RPGRIP1L: variants seen among roughly 807,000 people sequenced by gnomAD.
The protein encoded by RPGRIP1L is protein fantom.
A neutral mutation model predicts 160.4 loss-of-function variants in RPGRIP1L; 131 were observed. The observed-to-expected ratio is 0.82, with a 90% CI of 0.71 to 0.94. RPGRIP1L has a LOEUF of 0.94. Ranked by LOEUF, RPGRIP1L falls within the 40% of genes least tolerant of loss-of-function variation. The probability of loss-of-function intolerance (pLI) is 0.00; values close to 1 mark genes in which losing one functional copy is unlikely to be tolerated. For synonymous variants in RPGRIP1L, 510 were observed against 515.8 expected (o/e 0.99, Z 0.15); for missense variants, 1,522 against 1,535.8 (o/e 0.99, Z 0.15).
chr16:53,664,352 C>A (rs1211015145), intron 10 of RPGRIP1L, among the ~76,000 whole-genome samples: 1 of 152,258 alleles, frequency 6.6e-6, no homozygotes. Flanking sequence ...TTTCCCTATT[C>A]GAACTCTCAA....
At chr16:53,693,121 G>A (rs565722181) in intron 3 of RPGRIP1L, among the ~76,000 whole-genome samples, 9 of 152,298 alleles carry the variant, frequency 5.9e-5, no homozygotes, top group African/African-American at 2.2e-4. Context: ...TAATATACAC[G>A]TACGGAAAAC....
chr16:53,628,151 G>A (rs1249328759), intron 22 of RPGRIP1L: 1 of 150,770 alleles, frequency 6.6e-6, no homozygotes, highest in Non-Finnish European at 1.5e-5. Context: ...TGTGTACATA[G>A]ATACAAATAA....
At chr16:53,674,627 T>C (rs1969006122) in intron 7 of RPGRIP1L, among the ~76,000 whole-genome samples, 1 of 152,206 alleles carries the variant, frequency 6.6e-6, no homozygotes, top group Admixed American at 6.5e-5. Flanking sequence ...TACTTTGGTC[T>C]ATTGCCAATA....
intron 15 of RPGRIP1L, among the ~76,000 whole-genome samples, chr16:53,651,861 T>A (rs1172215057): frequency 6.6e-6 from 1 of 151,910 alleles, no homozygotes; most frequent in Admixed American, 6.6e-5. Flanking sequence ...AATTAATAAT[T>A]TCATAAATAG....
At chr16:53,642,772 T>A (rs985654368) in intron 17 of RPGRIP1L, among the ~76,000 whole-genome samples, 1 of 152,196 alleles carries the variant, frequency 6.6e-6, no homozygotes, top group African/African-American at 2.4e-5. Context: ...CAGTCTAGGA[T>A]AGGCTAAGAG....
rs1322586025 is a variant in RPGRIP1L, at chr16:53,622,203, A to G, written c.3432+16T>C. On this transcript the variant is annotated intron_variant, in intron 23 of 26. Transcript: ENST00000647211. ...CATAGTGAAACCCCGTCTCTGCTAA[A>G]ATTACAAAAAATTACCTGGGTGTGG... 1.5e-6 allele frequency: 1 copy of G among 657,532 alleles called. No individual in the cohort carries two copies. The highest frequency in any genetic ancestry group is 1.8e-5 in the African/African-American group (1 of 54,634). The allele number at this position is 657,532 out of a possible 1,614,324, so 40.7% of individuals were successfully genotyped here.
chr16:53,659,111 C>G lies in RPGRIP1L; in HGVS notation c.1244-233G>C, dbSNP rs371223117. 46 of 667,330 alleles carry G rather than the reference C, an allele frequency of 6.9e-5. No individual in the cohort carries two copies. The African/African-American group carries it at 7.3e-4, about 11-fold the overall frequency. The allele number at this position is 667,330 out of a possible 1,614,324, so 41.3% of individuals were successfully genotyped here. ...TCATCAAAAACCCAAGACATAAGTTCACAGTATTAATATAAGGAAATTGTG... is the reference window on the plus strand; with the variant it reads ...TCATCAAAAACCCAAGACATAAGTTGACAGTATTAATATAAGGAAATTGTG... On this transcript the variant is annotated intron_variant, in intron 10 of 26. Coordinates refer to ENST00000647211, the MANE Select transcript of RPGRIP1L (RefSeq NM_015272.5).
At position 53,692,083 on chromosome 16, in the gene RPGRIP1L, T is replaced by C. The variant is rs1970422410; in HGVS notation, c.512A>G (p.Gln171Arg). The stretch of plus-strand genomic sequence containing the variant: ...TGTTTTACCTTTCCTGGGGCATTCC[T>C]GTAAACCAGCATTTTCATTTGCTTT... The part of the protein sequence containing the change: ...RRKANENAGL[Q>R]ECPRKGIKFQ... Residue 171 changes from glutamine (Q) to arginine (R), a missense_variant, in exon 4 of 27, where the codon CAG becomes CGG. Physicochemically the swap from Gln to Arg is conservative, Grantham distance 43. Transcript: ENST00000647211. 6.2e-7 allele frequency: 1 copy of C among 1,614,086 alleles called. No homozygotes were observed. Among genetic ancestry groups the C allele is most frequent in the African/African-American group, 1.3e-5 (1 of 74,940 alleles).
chr16:53,697,098 T>G (rs7188089), intron 2 of RPGRIP1L, among the ~76,000 whole-genome samples: 57,866 of 151,566 alleles, frequency 0.38, 12,653 homozygotes, highest in East Asian at 0.59. Flanking sequence ...GGAGGCTAAG[T>G]CTGGACAATC....
chr16:53,647,645 C>G (rs948334021), intron 16 of RPGRIP1L, among the ~76,000 whole-genome samples: 1 of 152,174 alleles, frequency 6.6e-6, no homozygotes, highest in Non-Finnish European at 1.5e-5. Flanking sequence ...TCTGCTAACG[C>G]AAACCTGGCC....
intron 10 of RPGRIP1L, among the ~76,000 whole-genome samples, chr16:53,664,124 A>G (rs1255626493): frequency 6.6e-6 from 1 of 152,222 alleles, no homozygotes; most frequent in Non-Finnish European, 1.5e-5. Flanking sequence ...CAACACTTAA[A>G]GCAAATAATT....
chr16:53,702,485 T>C (rs1215772050), intron 1 of RPGRIP1L, among the ~76,000 whole-genome samples: 1 of 152,188 alleles, frequency 6.6e-6, no homozygotes, highest in Non-Finnish European at 1.5e-5. Context: ...TCTTATGTTA[T>C]CCTTCTTTGC....
intron 16 of RPGRIP1L, among the ~76,000 whole-genome samples, chr16:53,648,620 GCGCGCGCA>G (rs1213684031): frequency 1.3e-3 from 81 of 62,480 alleles, no homozygotes; most frequent in Middle Eastern, 7.2e-3. Flanking sequence ...GCGTGCGCGC[GCGCGCGCA>G]CACACACACA....
intron 2 of RPGRIP1L, 61 bp downstream of exon 2, chr16:53,700,578 T>C: frequency 7.6e-7 from 1 of 1,314,680 alleles, no homozygotes; most frequent in Non-Finnish European, 1.1e-6. Flanking sequence ...AAGAAATACT[T>C]TAAATTAAAA....
chr16:53,675,544 A>G (rs1162869942), intron 6 of RPGRIP1L, among the ~76,000 whole-genome samples: 1 of 152,176 alleles, frequency 6.6e-6, no homozygotes, highest in African/African-American at 2.4e-5. Context: ...AAAATATGCA[A>G]TACAGCCATT....
At position 53,692,211 on chromosome 16, in the gene RPGRIP1L, G is replaced by A. The variant is rs2151352728; in HGVS notation, c.384C>T (p.Thr128=). ...TGGCTGAAATCAGTCTGTTTTTGAG[G>A]GTTTCATTTTGTTTTTCAAGCTCAT... ...KVHELEKQNE[T]LKNRLISAKQ... Residue 128 remains threonine (T), a synonymous_variant, in exon 4 of 27, where the codon ACC becomes ACT. Coordinates refer to ENST00000647211, the MANE Select transcript of RPGRIP1L (RefSeq NM_015272.5). 6.2e-7 allele frequency: 1 copy of A among 1,613,956 alleles called. No individual in the cohort carries two copies. Among genetic ancestry groups the A allele is most frequent in the Non-Finnish European group, 8.5e-7 (1 of 1,180,016 alleles).
At position 53,638,578 on chromosome 16, in the gene RPGRIP1L, T is replaced by G. The variant is rs1045089571; in HGVS notation, c.2959-167A>C. On this transcript the variant is annotated intron_variant, in intron 19 of 26. Transcript: ENST00000647211. The stretch of plus-strand genomic sequence containing the variant: ...ATATTTCAATAAAATGGTATTTATA[T>G]TCTTTAAAATATAAATATATATGTA... Among the ~76,000 whole-genome samples the G allele has an allele frequency of 4.0e-5, 6 of 151,776 alleles. 1 individual carries two copies. The highest frequency in any genetic ancestry group is 9.7e-5 in the African/African-American group (4 of 41,416).
At chr16:53,633,459 G>T (rs1180816602) in intron 22 of RPGRIP1L, among the ~76,000 whole-genome samples, 1 of 152,104 alleles carries the variant, frequency 6.6e-6, no homozygotes, top group Non-Finnish European at 1.5e-5. Context: ...CTACAAGAAA[G>T]CCTGAAGAAG....
intron 24 of RPGRIP1L, among the ~76,000 whole-genome samples, chr16:53,617,463 G>A (rs2150960074): frequency 6.6e-6 from 1 of 152,252 alleles, no homozygotes; most frequent in South Asian, 2.1e-4. Context: ...TGATTTCCAA[G>A]AAGCCTGAGA....
Sources: gnomAD v4.1 joint callset for allele counts (sites outside exome capture counted in the v4.1 genomes callset) on GRCh38, gnomAD v4.1.1 for gene constraint, MANE v1.5 for transcripts, NCBI Gene and HGNC (gene_info 2026-07-23, HGNC 2026-07-21) for gene names.